The following PDE1A variants were observed in gnomAD, a reference collection of about 807,000 sequenced individuals.
PDE1A encodes the protein dual specificity calcium/calmodulin-dependent 3',5'-cyclic nucleotide phosphodiesterase 1A.
PDE1A carries 35 observed loss-of-function variants against 61.7 expected under a neutral mutation model. That is an observed-to-expected ratio of 0.57 (90% CI 0.43 to 0.75). PDE1A has a LOEUF of 0.75. Among genes scored for constraint, PDE1A ranks in the 30% least tolerant of loss-of-function variants. PDE1A has a pLI of 0.00. For missense variants in PDE1A, 597 were observed against 630.6 expected (o/e 0.95, Z 0.57); for synonymous variants, 232 against 213.2 (o/e 1.09, Z -0.77).
the PDE1A span, among the ~76,000 whole-genome samples, chr2:182,550,037 A>G: frequency 1.4e-4 from 21 of 152,188 alleles, no homozygotes; most frequent in Non-Finnish European, 2.8e-4. Context: ...GAAGAAAAAG[A>G]GGAACATTTT....
intron 2 of PDE1A, among the ~76,000 whole-genome samples, chr2:182,247,428 G>A (rs1044100742): frequency 2.6e-5 from 4 of 152,288 alleles, no homozygotes; most frequent in Admixed American, 2.6e-4. Flanking sequence ...TTGGAGAGAA[G>A]AAAGTTGAAA....
chr2:182,547,505 C>T, the PDE1A span, among the ~76,000 whole-genome samples: 6 of 152,156 alleles, frequency 3.9e-5, no homozygotes, highest in Non-Finnish European at 8.8e-5. Context: ...GAATTTACTT[C>T]GTGTAAGTTG....
the PDE1A span, among the ~76,000 whole-genome samples, chr2:182,592,279 G>T: frequency 6.6e-6 from 1 of 152,168 alleles, no homozygotes; most frequent in Non-Finnish European, 1.5e-5. Context: ...GATGTAGCAT[G>T]CTCTACAGTT....
intron 1 of PDE1A, among the ~76,000 whole-genome samples, chr2:182,380,203 T>C (rs1341759286): frequency 6.8e-6 from 1 of 146,378 alleles, no homozygotes; most frequent in Non-Finnish European, 1.5e-5. Context: ...CTCCGCCTCC[T>C]GGGTTCACAC....
At chr2:182,203,550 T>G (rs1400052225) in intron 8 of PDE1A, among the ~76,000 whole-genome samples, 1 of 152,186 alleles carries the variant, frequency 6.6e-6, no homozygotes, top group Admixed American at 6.5e-5. Context: ...TAAGAACATT[T>G]ATGTTTGCTA....
the PDE1A span, among the ~76,000 whole-genome samples, chr2:182,689,377 C>T: frequency 1.3e-5 from 2 of 152,264 alleles, no homozygotes; most frequent in Admixed American, 1.3e-4. Flanking sequence ...AAGAAACTCA[C>T]TCAAAACCGC....
intron 2 of PDE1A, among the ~76,000 whole-genome samples, chr2:182,513,431 C>T (rs1318981715): frequency 6.6e-6 from 1 of 152,218 alleles, no homozygotes; most frequent in Non-Finnish European, 1.5e-5. Flanking sequence ...ACCTGCTTTA[C>T]AAGAGGTCCT....
At chr2:182,457,177 T>C (rs1370482380) in intron 2 of PDE1A, among the ~76,000 whole-genome samples, 3 of 152,030 alleles carry the variant, frequency 2.0e-5, no homozygotes, top group Non-Finnish European at 4.4e-5. Context: ...GAGGAGAAAC[T>C]TACTGATTCA....
At chr2:182,351,765 C>A (rs759562385) in intron 1 of PDE1A, among the ~76,000 whole-genome samples, 7 of 152,144 alleles carry the variant, frequency 4.6e-5, no homozygotes, top group Non-Finnish European at 8.8e-5. Context: ...GTTGTGCAGA[C>A]AAACTTTACT....
chr2:182,638,957 C>T, the PDE1A span, among the ~76,000 whole-genome samples: 2 of 152,300 alleles, frequency 1.3e-5, no homozygotes, highest in South Asian at 4.1e-4. Flanking sequence ...TCAGCCCAGA[C>T]TCTGAAGACA....
At chr2:182,561,766 C>G in the PDE1A span, among the ~76,000 whole-genome samples, 1 of 151,958 alleles carries the variant, frequency 6.6e-6, no homozygotes, top group Non-Finnish European at 1.5e-5. Flanking sequence ...TGAAGAGGTC[C>G]TTCACATCCC....
chr2:182,179,140 GT>G (rs1392546524), intron 13 of PDE1A, among the ~76,000 whole-genome samples: 2 of 152,154 alleles, frequency 1.3e-5, no homozygotes, highest in Non-Finnish European at 2.9e-5. Flanking sequence ...TAGAAACTAT[GT>G]TTGGTCACAG....
At chr2:182,475,433 C>T (rs1687293788) in intron 2 of PDE1A, among the ~76,000 whole-genome samples, 1 of 151,938 alleles carries the variant, frequency 6.6e-6, no homozygotes, top group African/African-American at 2.4e-5. Flanking sequence ...TACAGTATCT[C>T]ACTGAGGGGA....
At chr2:182,244,310 T>G (rs1286269874) in intron 2 of PDE1A, among the ~76,000 whole-genome samples, 2 of 152,156 alleles carry the variant, frequency 1.3e-5, no homozygotes, top group Non-Finnish European at 1.5e-5. Flanking sequence ...CCACTAAACT[T>G]TTTTTGAAAA....
chr2:182,479,788 C>T (rs1233067970), intron 2 of PDE1A, among the ~76,000 whole-genome samples: 1 of 151,768 alleles, frequency 6.6e-6, no homozygotes, highest in Admixed American at 6.6e-5. Flanking sequence ...ACATATCTTG[C>T]ATTACAATTT....
chr2:182,426,401 G>A (rs908627588), intron 1 of PDE1A, among the ~76,000 whole-genome samples, 177 bp downstream of exon 1: 1 of 152,154 alleles, frequency 6.6e-6, no homozygotes, highest in African/African-American at 2.4e-5. Flanking sequence ...AAGAGTTTGT[G>A]CACAAAGTTT....
chr2:182,250,844 A>G (rs1691346657), intron 2 of PDE1A, among the ~76,000 whole-genome samples: 1 of 152,170 alleles, frequency 6.6e-6, no homozygotes, highest in Non-Finnish European at 1.5e-5. Context: ...TCCATATCCA[A>G]TCTAGGAAGC....
chr2:182,239,731 G>C (rs1690349343), intron 3 of PDE1A, among the ~76,000 whole-genome samples: 1 of 152,156 alleles, frequency 6.6e-6, no homozygotes, highest in Non-Finnish European at 1.5e-5. Context: ...TTGACATGTA[G>C]ATTGCTACCC....
intron 2 of PDE1A, among the ~76,000 whole-genome samples, chr2:182,434,500 A>G (rs567125536): frequency 1.3e-5 from 2 of 152,188 alleles, no homozygotes; most frequent in Admixed American, 6.6e-5. Context: ...ACATCTTCAG[A>G]TAGGCAGAAG....
Sources: gnomAD v4.1 joint callset for allele counts (sites outside exome capture counted in the v4.1 genomes callset) on GRCh38, gnomAD v4.1.1 for gene constraint, MANE v1.5 for transcripts, NCBI Gene and HGNC (gene_info 2026-07-23, HGNC 2026-07-21) for gene names.